MARCHF5: variants seen among roughly 807,000 people sequenced by gnomAD.
MARCHF5 encodes the protein membrane associated ring-CH-type finger 5.
A neutral mutation model predicts 36.5 loss-of-function variants in MARCHF5; 5 were observed. That is an observed-to-expected ratio of 0.14 (90% CI 0.07 to 0.29). The LOEUF is 0.29. Among genes scored for constraint, MARCHF5 ranks in the 10% least tolerant of loss-of-function variants. The probability of loss-of-function intolerance (pLI) is 1.00; values close to 1 mark genes in which losing one functional copy is unlikely to be tolerated. For synonymous variants in MARCHF5, 103 were observed against 109.9 expected, an observed-to-expected ratio of 0.94 and a Z score of 0.39; for missense variants, 179 against 336.3, an observed-to-expected ratio of 0.53 and a Z score of 3.66.
intron 1 of MARCHF5, among the ~76,000 whole-genome samples, chr10:92,291,824 C>A (rs1422297955): frequency 6.6e-6 from 1 of 151,982 alleles, no homozygotes; most frequent in Non-Finnish European, 1.5e-5. Context: ...TTTCCTTACC[C>A]TCTTCCCCTC....
chr10:92,338,679 C>T (rs1376141097), intron 2 of MARCHF5, among the ~76,000 whole-genome samples: 2 of 152,090 alleles, frequency 1.3e-5, no homozygotes, highest in African/African-American at 4.8e-5. Context: ...AGTGACATAG[C>T]GATATTATTG....
chr10:92,349,315 G>C, intron 3 of MARCHF5, 34 bp from the exon 4 acceptor site: 3 of 1,463,776 alleles, frequency 2.0e-6, no homozygotes, highest in Non-Finnish European at 2.8e-6. Flanking sequence ...ATTTGAAAAA[G>C]AAGTAATTCT....
chr10:92,315,307 C>T (rs553753999), intron 2 of MARCHF5, among the ~76,000 whole-genome samples: 8 of 152,306 alleles, frequency 5.3e-5, no homozygotes, highest in Admixed American at 2.0e-4. Context: ...GTATAACACA[C>T]GTAGCACGTA....
intron 2 of MARCHF5, among the ~76,000 whole-genome samples, chr10:92,318,390 G>A (rs1032886918): frequency 6.7e-6 from 1 of 148,812 alleles, no homozygotes; most frequent in Admixed American, 6.8e-5. Context: ...AATGCCACTG[G>A]ACTCCAGCCT....
chr10:92,340,607 T>C (rs934287336), intron 2 of MARCHF5, 66 bp from the exon 3 acceptor site: 2 of 1,451,910 alleles, frequency 1.4e-6, no homozygotes. Context: ...CTATAGAAAA[T>C]ATCAAACAAG....
At chr10:92,327,795 A>C (rs1843384157) in intron 2 of MARCHF5, among the ~76,000 whole-genome samples, 1 of 152,194 alleles carries the variant, frequency 6.6e-6, no homozygotes, top group Admixed American at 6.5e-5. Flanking sequence ...GAAAAGGAAT[A>C]TATCGCAGTT....
intron 2 of MARCHF5, among the ~76,000 whole-genome samples, chr10:92,323,127 G>C (rs1843311821): frequency 6.6e-6 from 1 of 152,164 alleles, no homozygotes; most frequent in Non-Finnish European, 1.5e-5. Flanking sequence ...CTGCAGCCTT[G>C]AACTCATGGG....
intron 3 of MARCHF5, among the ~76,000 whole-genome samples, chr10:92,347,516 A>AT (rs1843661494): frequency 4.5e-5 from 2 of 44,860 alleles, no homozygotes; most frequent in African/African-American, 7.2e-5. Context: ...ATAGATAGAT[A>AT]GATAGATGAT....
chr10:92,308,507 C>G (rs1170023901), intron 1 of MARCHF5: 1 of 152,112 alleles, frequency 6.6e-6, no homozygotes, highest in Non-Finnish European at 1.5e-5. Flanking sequence ...TAGGTTTCAG[C>G]CTCATTTTAC....
At chr10:92,349,135 G>A (rs1333314005) in intron 3 of MARCHF5, among the ~76,000 whole-genome samples, 1 of 152,112 alleles carries the variant, frequency 6.6e-6, no homozygotes, top group African/African-American at 2.4e-5. Flanking sequence ...TTATTCCTGT[G>A]TGGTATGAAA....
rs1382297769 is a variant in MARCHF5, at chr10:92,340,699, G to A, written c.265G>A (p.Ala89Thr). The A allele has an allele frequency of 1.2e-6, 2 of 1,613,406 alleles. No individual in the cohort carries two copies. The highest frequency in any genetic ancestry group is 8.5e-7 in the Non-Finnish European group (1 of 1,179,698). ...LGPVVYVLDL[A>T]DRLISKACPF... is the part of the protein sequence containing the mutation. Reference sequence around the variant, plus strand: ...TCCAGTGGTTTACGTCTTGGATCTTGCAGATAGACTGATCTCAAAAGCCTG... The same window carrying A: ...TCCAGTGGTTTACGTCTTGGATCTTACAGATAGACTGATCTCAAAAGCCTG... Residue 89 changes from alanine to threonine, a missense_variant, in exon 3 of 6, where the codon GCA becomes ACA. By Grantham distance (58) the Ala-to-Thr change is moderately conservative. Coordinates refer to ENST00000358935, the MANE Select transcript of MARCHF5 (RefSeq NM_017824.5).
chr10:92,302,485 C>T (rs187878493), intron 1 of MARCHF5, among the ~76,000 whole-genome samples: 1 of 150,786 alleles, frequency 6.6e-6, no homozygotes, highest in African/African-American at 2.4e-5. Flanking sequence ...GCTCTTGTTG[C>T]CCAGGCTGGA....
Position 92,349,489 on chromosome 10 carries a change from C to T in MARCHF5, c.510C>T (p.Arg170=), listed in dbSNP as rs1362320546. 6.2e-7 allele frequency: 1 copy of T among 1,613,906 alleles called. No homozygotes were observed. Among genetic ancestry groups the T allele is most frequent in the Middle Eastern group, 1.6e-4 (1 of 6,062 alleles). Residue 170 remains arginine (R), a synonymous_variant, in exon 4 of 6, where the codon CGC becomes CGT. Coordinates refer to ENST00000358935, the MANE Select transcript of MARCHF5 (RefSeq NM_017824.5). ...RWEDYVLRLW[R]KYSNKLQILN... is the part of the protein sequence containing the mutation. Reference sequence around the variant, plus strand: ...AGGACTATGTGCTTAGACTGTGGCGCAAATACTCGAATAAACTACAAATTT... The same window carrying T: ...AGGACTATGTGCTTAGACTGTGGCGTAAATACTCGAATAAACTACAAATTT...
chr10:92,330,954 A>C (rs1023823548), intron 2 of MARCHF5, among the ~76,000 whole-genome samples: 3 of 152,194 alleles, frequency 2.0e-5, no homozygotes, highest in Admixed American at 1.3e-4. Context: ...AGGGAAGAAG[A>C]AAATTCAGTG....
intron 2 of MARCHF5, among the ~76,000 whole-genome samples, chr10:92,336,391 A>G (rs1200710522): frequency 6.6e-6 from 1 of 152,212 alleles, no homozygotes; most frequent in East Asian, 1.9e-4. Flanking sequence ...AGAACCAGAT[A>G]GTAAATATTT....
At chr10:92,307,009 G>A (rs1298272417) in intron 1 of MARCHF5, among the ~76,000 whole-genome samples, 1 of 152,070 alleles carries the variant, frequency 6.6e-6, no homozygotes, top group Non-Finnish European at 1.5e-5. Context: ...GTGAGACTCA[G>A]TCTCAAAAAA....
intron 3 of MARCHF5, among the ~76,000 whole-genome samples, chr10:92,348,565 AG>A (rs201094012): frequency 0.014 from 2,201 of 152,280 alleles, 56 homozygotes; most frequent in African/African-American, 0.05. Context: ...GAGAGGGAAA[AG>A]GTAGAAGTTC....
At chr10:92,347,532 T>A (rs2771258) in intron 3 of MARCHF5, among the ~76,000 whole-genome samples, 1 of 119,820 alleles carries the variant, frequency 8.3e-6, no homozygotes, top group African/African-American at 3.5e-5. Flanking sequence ...ATGATAGATA[T>A]ATAGATAGAT....
intron 2 of MARCHF5, among the ~76,000 whole-genome samples, chr10:92,312,059 A>G (rs1385799847): frequency 6.6e-6 from 1 of 152,302 alleles, no homozygotes; most frequent in East Asian, 1.9e-4. Context: ...CAGTTGTTAA[A>G]CATTTTTTTA....
Sources: allele counts gnomAD v4.1 joint callset (sites outside exome capture counted in the v4.1 genomes callset), GRCh38; gene constraint gnomAD v4.1.1; transcripts MANE v1.5; gene names NCBI Gene and HGNC (gene_info 2026-07-23, HGNC 2026-07-21).